SARNP: variants seen among roughly 807,000 people sequenced by gnomAD.
The protein encoded by SARNP is SAP domain-containing ribonucleoprotein.
SARNP carries 5 observed loss-of-function variants against 38.1 expected under a neutral mutation model. The ratio of observed to expected loss-of-function variants is 0.13; its 90% CI spans 0.07 to 0.28. The LOEUF (loss-of-function observed/expected upper bound fraction) is 0.28, where lower values mean the gene tolerates loss of function less well. Ranked by LOEUF, SARNP falls within the 10% of genes least tolerant of loss-of-function variation. SARNP has a pLI of 1.00. For synonymous variants in SARNP, 84 were observed against 80.6 expected (o/e 1.04, Z -0.23); for missense variants, 180 against 243.9 (o/e 0.74, Z 1.75).
At chr12:55,816,541 T>C (rs181656319) in intron 1 of SARNP, among the ~76,000 whole-genome samples, 2 of 152,238 alleles carry the variant, frequency 1.3e-5, no homozygotes, top group African/African-American at 4.8e-5. Flanking sequence ...AATAAGTGAC[T>C]AAAGAAGGGT....
At chr12:55,774,579 C>CAAAAAAAAAAAAA (rs71074858) in intron 9 of SARNP, among the ~76,000 whole-genome samples, 1 of 106,356 alleles carries the variant, frequency 9.4e-6, no homozygotes, top group Admixed American at 1.1e-4. Context: ...AAAAAACAAA[C>CAAAAAAAAAAAAA]AAAAAAAAAA....
chr12:55,796,326 G>A (rs555583206), intron 4 of SARNP, among the ~76,000 whole-genome samples: 21 of 152,320 alleles, frequency 1.4e-4, no homozygotes, highest in African/African-American at 5.1e-4. Flanking sequence ...AAAGAAGTCT[G>A]GTTAAATATA....
chr12:55,791,908 G>C (rs1405337756), intron 7 of SARNP, among the ~76,000 whole-genome samples: 1 of 152,046 alleles, frequency 6.6e-6, no homozygotes, highest in Non-Finnish European at 1.5e-5. Context: ...AGAATTATGA[G>C]TAACACTGAA....
intron 9 of SARNP, among the ~76,000 whole-genome samples, chr12:55,778,398 C>T (rs762346230): frequency 5.9e-5 from 9 of 152,226 alleles, no homozygotes; most frequent in Non-Finnish European, 1.2e-4. Context: ...CTGCCTGCCT[C>T]GGCCTCTCAA....
intron 9 of SARNP, among the ~76,000 whole-genome samples, chr12:55,765,000 G>A (rs1166528056): frequency 6.6e-6 from 1 of 152,164 alleles, no homozygotes; most frequent in Non-Finnish European, 1.5e-5. Context: ...GAATGTTCTA[G>A]TTGATATATC....
intron 9 of SARNP, among the ~76,000 whole-genome samples, chr12:55,774,533 C>A (rs985042877): frequency 2.8e-5 from 4 of 142,282 alleles, no homozygotes; most frequent in Non-Finnish European, 6.0e-5. Flanking sequence ...CCAGCCTAGC[C>A]GACACGGTGA....
At chr12:55,794,230 G>T in intron 7 of SARNP, 129 bp downstream of exon 7, 1 of 817,922 alleles carries the variant, frequency 1.2e-6, no homozygotes, top group African/African-American at 1.7e-5. Flanking sequence ...AGCAGGAGAT[G>T]AATGTTACAA....
chr12:55,793,035 C>T (rs1879719514), intron 7 of SARNP: 2 of 152,116 alleles, frequency 1.3e-5, no homozygotes, highest in Admixed American at 1.3e-4. Context: ...GTAATCCCAC[C>T]ATTTTGGGAG....
intron 2 of SARNP, among the ~76,000 whole-genome samples, chr12:55,802,702 T>C (rs1206323468): frequency 1.3e-5 from 2 of 151,500 alleles, no homozygotes; most frequent in African/African-American, 2.4e-5. Context: ...ATTTCAAATA[T>C]ATAACACTCA....
At chr12:55,766,738 T>C (rs1378443166) in intron 9 of SARNP, among the ~76,000 whole-genome samples, 1 of 148,260 alleles carries the variant, frequency 6.7e-6, no homozygotes, top group African/African-American at 2.5e-5. Context: ...GCTTCTTACC[T>C]CAGCCTTCCA....
At chr12:55,768,488 G>A (rs1020158137) in intron 9 of SARNP, among the ~76,000 whole-genome samples, 1 of 150,700 alleles carries the variant, frequency 6.6e-6, no homozygotes, top group African/African-American at 2.5e-5. Context: ...GTAGTGGCGC[G>A]ATCTCGGCTC....
intron 1 of SARNP, among the ~76,000 whole-genome samples, chr12:55,807,758 G>A (rs1164811936): frequency 1.7e-4 from 26 of 150,658 alleles, no homozygotes; most frequent in African/African-American, 6.1e-4. Context: ...AGCTTGCAGT[G>A]AGCCGAGATC....
At chr12:55,791,117 A>C (rs1322499732) in intron 7 of SARNP, among the ~76,000 whole-genome samples, 1 of 152,202 alleles carries the variant, frequency 6.6e-6, no homozygotes, top group Non-Finnish European at 1.5e-5. Context: ...GCACTATACG[A>C]ATTCATTTAT....
At chr12:55,816,074 A>G (rs1335279320) in intron 1 of SARNP, 1 of 152,232 alleles carries the variant, frequency 6.6e-6, no homozygotes, top group East Asian at 1.9e-4. Flanking sequence ...TACTTATCCA[A>G]TCAAATACAA....
chr12:55,781,708 A>C (rs1047628447), intron 9 of SARNP, among the ~76,000 whole-genome samples: 1 of 152,106 alleles, frequency 6.6e-6, no homozygotes, highest in African/African-American at 2.4e-5. Flanking sequence ...TTTATTTTCA[A>C]CCTTTTTATA....
chr12:55,794,509 T>C (rs1879764211), intron 6 of SARNP, 122 bp from the exon 7 acceptor site: 8 of 866,314 alleles, frequency 9.2e-6, no homozygotes, highest in African/African-American at 1.7e-5. Context: ...AATCATTAGC[T>C]AATTCTAACA....
intron 6 of SARNP, 145 bp from the exon 7 acceptor site, chr12:55,794,532 AGGTT>A: frequency 1.3e-6 from 1 of 795,594 alleles, no homozygotes; most frequent in Non-Finnish European, 2.1e-6. Flanking sequence ...CCCATGAAAG[AGGTT>A]CAGAAATTAA....
intron 1 of SARNP, among the ~76,000 whole-genome samples, chr12:55,805,235 T>C (rs1006105793): frequency 5.9e-5 from 9 of 152,180 alleles, no homozygotes; most frequent in African/African-American, 2.2e-4. Context: ...CACTCCAGCC[T>C]GGGCGAAAGT....
chr12:55,757,631 C>T (rs925659007), intron 10 of SARNP, 78 bp from the exon 11 acceptor site: 1 of 1,117,262 alleles, frequency 9.0e-7, no homozygotes, highest in African/African-American at 1.6e-5. Flanking sequence ...TTAATCCAAA[C>T]TCACATGAAC....
Sources: gnomAD v4.1 joint callset for allele counts (sites outside exome capture counted in the v4.1 genomes callset) on GRCh38, gnomAD v4.1.1 for gene constraint, MANE v1.5 for transcripts, NCBI Gene and HGNC (gene_info 2026-07-23, HGNC 2026-07-21) for gene names.